Variants in MIA2 observed in about 807,000 individuals in gnomAD.
MIA2 encodes the protein melanoma inhibitory activity protein 2.
MIA2 carries 127 observed loss-of-function variants against 167.8 expected under a neutral mutation model. That is an observed-to-expected ratio of 0.76 (90% CI 0.66 to 0.88). MIA2 has a LOEUF of 0.88. Among genes scored for constraint, MIA2 ranks in the 40% least tolerant of loss-of-function variants. MIA2 has a pLI of 0.00. For synonymous variants in MIA2, 552 were observed against 541.9 expected, an observed-to-expected ratio of 1.02 and a Z score of -0.26; for missense variants, 1,690 against 1,624.7, an observed-to-expected ratio of 1.04 and a Z score of -0.69.
chr14:39,250,291 G>GGA (rs1759772778), intron 4 of MIA2, among the ~76,000 whole-genome samples: 1 of 152,150 alleles, frequency 6.6e-6, no homozygotes, highest in Non-Finnish European at 1.5e-5. Context: ...TATTTAGCTG[G>GGA]GAGTGTTGGT....
At chr14:39,246,021 A>G (rs2054286114) in intron 3 of MIA2, among the ~76,000 whole-genome samples, 3 of 152,146 alleles carry the variant, frequency 2.0e-5, no homozygotes, top group Admixed American at 2.0e-4. Flanking sequence ...TTTTGTTTGC[A>G]GAATACACTG....
chr14:39,315,625 A>T, intron 20 of MIA2, 58 bp from the exon 21 acceptor site: 1 of 1,304,744 alleles, frequency 7.7e-7, no homozygotes, highest in Non-Finnish European at 1.1e-6. Context: ...GTAGATGTGA[A>T]TGTTTTTTAC....
At chr14:39,257,849 G>C (rs1404478613) in intron 6 of MIA2, among the ~76,000 whole-genome samples, 1 of 152,150 alleles carries the variant, frequency 6.6e-6, no homozygotes, top group Non-Finnish European at 1.5e-5. Flanking sequence ...TTGAAGCTTA[G>C]TTTGGCTGGA....
intron 6 of MIA2, among the ~76,000 whole-genome samples, chr14:39,264,704 T>G (rs540644761): frequency 6.6e-6 from 1 of 152,346 alleles, no homozygotes; most frequent in Admixed American, 6.5e-5. Context: ...GCTCCACAAT[T>G]TTGATTTTCT....
At chr14:39,293,446 A>G in intron 11 of MIA2, 65 bp downstream of exon 11, 3 of 1,084,410 alleles carry the variant, frequency 2.8e-6, no homozygotes, top group Non-Finnish European at 4.1e-6. Flanking sequence ...AAAAATTAAT[A>G]TGATACTGGT....
In MIA2 at chr14:39,313,336, T is replaced by G. The variant is rs2064702212; in HGVS notation, c.3018-4T>G. 2.0e-6 allele frequency: 3 copies of G among 1,493,958 alleles called. No individual in the cohort carries two copies. The highest frequency in any genetic ancestry group is 2.4e-5 in the South Asian group (2 of 83,104). The allele number at this position is 1,493,958 out of a possible 1,614,324, so 92.5% of individuals were successfully genotyped here. On this transcript the variant is annotated splice_region_variant and splice_polypyrimidine_tract_variant and intron_variant, in intron 18 of 28. Coordinates refer to ENST00000640607, the MANE Select transcript of MIA2 (RefSeq NM_001329214.4). ...AGAGAATTATAACATTTTTTGTTTT[T>G]AAGGAAATTAACAGTAGAGGAAAAT...
At chr14:39,280,045 G>GGT (rs55700694) in intron 9 of MIA2, among the ~76,000 whole-genome samples, 41 of 120,664 alleles carry the variant, frequency 3.4e-4, no homozygotes, top group South Asian at 1.8e-3. Flanking sequence ...TGCAGTTGAG[G>GGT]GTGTGTGTGT....
chr14:39,284,343 A>G (rs114758064), intron 9 of MIA2, among the ~76,000 whole-genome samples: 4,794 of 152,198 alleles, frequency 0.031, 268 homozygotes, highest in African/African-American at 0.11. Flanking sequence ...TTGGTGCCCT[A>G]TTGAAAATTT....
At chr14:39,307,665 G>C (rs1454869663) in intron 17 of MIA2, among the ~76,000 whole-genome samples, 1 of 152,046 alleles carries the variant, frequency 6.6e-6, no homozygotes, top group Non-Finnish European at 1.5e-5. Context: ...CTTCCAAAGT[G>C]CTGAGATGTA....
intron 2 of MIA2, 99 bp downstream of exon 2, chr14:39,237,154 T>C (rs1172459734): frequency 3.0e-6 from 4 of 1,325,166 alleles, no homozygotes; most frequent in Non-Finnish European, 4.2e-6. Flanking sequence ...AGGGCCTGGC[T>C]CTGTCGCCCA....
chr14:39,252,248 G>T (rs927554703), intron 4 of MIA2, among the ~76,000 whole-genome samples: 1 of 152,020 alleles, frequency 6.6e-6, no homozygotes, highest in Non-Finnish European at 1.5e-5. Flanking sequence ...ATGTGATTAG[G>T]GATCTTGAAA....
chr14:39,292,410 A>G (rs1316963992), intron 10 of MIA2, among the ~76,000 whole-genome samples: 3 of 152,200 alleles, frequency 2.0e-5, no homozygotes, highest in Admixed American at 1.3e-4. Flanking sequence ...ATTTTTTAGC[A>G]TAGTATTTTC....
chr14:39,335,931 T>C (rs756865884), intron 25 of MIA2, among the ~76,000 whole-genome samples: 2 of 152,260 alleles, frequency 1.3e-5, no homozygotes, highest in Non-Finnish European at 2.9e-5. Context: ...GCAAAGGACA[T>C]AATTTTATTC....
intron 6 of MIA2, among the ~76,000 whole-genome samples, chr14:39,261,075 G>T (rs1321905528): frequency 1.3e-5 from 2 of 151,552 alleles, no homozygotes; most frequent in African/African-American, 4.9e-5. Context: ...GTGCCATGTT[G>T]GTGTGCTGCA....
At chr14:39,234,278 A>G (rs774958688) in intron 1 of MIA2, 49 bp downstream of exon 1, 1 of 1,193,838 alleles carries the variant, frequency 8.4e-7, no homozygotes, top group Non-Finnish European at 1.2e-6. Context: ...AGGCTCTGCA[A>G]TGACATAAAA....
rs543675234 is a variant in MIA2 at position 39,260,316 on chromosome 14, C to T, written c.1887+7145C>T. On this transcript the variant is annotated intron_variant, in intron 6 of 28. Transcript: ENST00000640607. ...CACAGTGGTTGAACTAGTTTACAGT[C>T]CCACCAACAGTGTAAAAGCATTCCT... Among the ~76,000 whole-genome samples, 4 of 152,322 alleles carry T rather than the reference C, an allele frequency of 2.6e-5. No individual in the cohort carries two copies. In the East Asian group the frequency reaches 7.7e-4, roughly 29 times the overall value.
chr14:39,320,134 T>G (rs1344230977), intron 23 of MIA2, among the ~76,000 whole-genome samples: 3 of 139,772 alleles, frequency 2.1e-5, no homozygotes, highest in Non-Finnish European at 4.6e-5. Flanking sequence ...ACACAAAATT[T>G]CAAGAAGGGT....
At chr14:39,333,020 A>G (rs79482727) in intron 25 of MIA2, among the ~76,000 whole-genome samples, 2,658 of 152,164 alleles carry the variant, frequency 0.017, 54 homozygotes, top group African/African-American at 0.052. Flanking sequence ...GTTCCTTTTT[A>G]TAATTTGATT....
At chr14:39,283,734 T>C (rs2059259515) in intron 9 of MIA2, among the ~76,000 whole-genome samples, 1 of 152,212 alleles carries the variant, frequency 6.6e-6, no homozygotes, top group Admixed American at 6.5e-5. Flanking sequence ...GTGTTTTTGA[T>C]TTGCATATCC....
Sources: allele counts gnomAD v4.1 joint callset (sites outside exome capture counted in the v4.1 genomes callset), GRCh38; gene constraint gnomAD v4.1.1; transcripts MANE v1.5; gene names NCBI Gene and HGNC (gene_info 2026-07-23, HGNC 2026-07-21).